Variants in SUFU observed in about 807,000 individuals in gnomAD.
SUFU encodes suppressor of fused homolog.
In SUFU, 7 loss-of-function variants were observed where a neutral mutation model predicts 58.9. That is an observed-to-expected ratio of 0.12 (90% CI 0.07 to 0.22). The LOEUF (loss-of-function observed/expected upper bound fraction) is 0.22. Among genes scored for constraint, SUFU ranks in the 10% least tolerant of loss-of-function variants. SUFU has a pLI of 1.00. For missense variants in SUFU, 451 were observed against 641.3 expected (o/e 0.70, Z 3.20); for synonymous variants, 232 against 254.8 (o/e 0.91, Z 0.85).
chr10:102,585,585 C>G (rs533816438), intron 3 of SUFU, among the ~76,000 whole-genome samples: 14 of 152,318 alleles, frequency 9.2e-5, no homozygotes, highest in African/African-American at 3.4e-4. Context: ...AAGCTCACTG[C>G]AGCCTCCACA....
At chr10:102,503,277 T>G (rs2062273993), upstream of SUFU, among the ~76,000 whole-genome samples, 1 of 152,234 alleles carries the variant, frequency 6.6e-6, no homozygotes, top group African/African-American at 2.4e-5. Context: ...ACCTGTACAT[T>G]GTCGTTGCCT....
At chr10:102,615,158 C>T (rs1187901415) in intron 8 of SUFU, 110 bp from the exon 9 acceptor site, 27 of 1,485,108 alleles carry the variant, frequency 1.8e-5, no homozygotes, top group Non-Finnish European at 2.4e-5. Flanking sequence ...TCATTATCAT[C>T]AGTCACCATT....
rs2063724033 is a variant in SUFU at position 102,619,734 on chromosome 10, T to C, written c.1296+2306T>C. Among the ~76,000 whole-genome samples, 1 of 152,178 alleles carries C rather than the reference T, an allele frequency of 6.6e-6. No individual in the cohort carries two copies. Among genetic ancestry groups the C allele is most frequent in the Non-Finnish European group, 1.5e-5 (1 of 68,018 alleles). Reference sequence around the variant, plus strand: ...CCTCTGACTGCCAGCCAGCCGCCCCTGTTAGGGTCCTGCCACTGTGGTCAC... The same window carrying C: ...CCTCTGACTGCCAGCCAGCCGCCCCCGTTAGGGTCCTGCCACTGTGGTCAC... On this transcript the variant is annotated intron_variant, in intron 10 of 11. Transcript: ENST00000369902. The surrounding 1 kb of genome is among the most constrained non-coding windows in gnomAD (Gnocchi z 4.2).
chr10:102,522,785 C>T lies in SUFU; in HGVS notation c.317+13482C>T, dbSNP rs184495347. Among the ~76,000 whole-genome samples the T allele has an allele frequency of 3.2e-4, 48 of 152,270 alleles. 1 individual carries two copies. Among genetic ancestry groups the T allele is most frequent in the Admixed American group, 2.7e-3 (42 of 15,290 alleles). On this transcript the variant is annotated intron_variant, in intron 2 of 11. Coordinates refer to ENST00000369902, the MANE Select transcript of SUFU (RefSeq NM_016169.4). ...GTCCTCTCTTCTTTGGAAGGCCAGA[C>T]GTTAATCTGCTCCGTAGATTGTCAT... is the stretch of plus-strand genomic sequence containing the variant.
chr10:102,563,125 G>A (rs1036946663), intron 3 of SUFU, among the ~76,000 whole-genome samples: 31 of 152,036 alleles, frequency 2.0e-4, no homozygotes, highest in African/African-American at 6.0e-4. Context: ...CCTCTCAGCC[G>A]CCAAGGGTCC....
chr10:102,626,349 A>G (rs1031591323), intron 10 of SUFU, among the ~76,000 whole-genome samples: 5 of 152,182 alleles, frequency 3.3e-5, no homozygotes, highest in Non-Finnish European at 7.3e-5. Context: ...GGACGTTGGT[A>G]TTGGCTGTGA....
At chr10:102,622,356 T>A (rs2063746544) in intron 10 of SUFU, among the ~76,000 whole-genome samples, 1 of 151,380 alleles carries the variant, frequency 6.6e-6, no homozygotes, top group Non-Finnish European at 1.5e-5. Flanking sequence ...CTGTAATCAG[T>A]CCCAGCACTT....
chr10:102,518,693 T>G (rs1050871253), intron 2 of SUFU, among the ~76,000 whole-genome samples: 1 of 152,052 alleles, frequency 6.6e-6, no homozygotes, highest in Admixed American at 6.5e-5. Context: ...ACTGCAGGCA[T>G]GCACCATCAT....
chr10:102,513,892 T>C (rs1008291882), intron 2 of SUFU, among the ~76,000 whole-genome samples: 2 of 152,186 alleles, frequency 1.3e-5, no homozygotes, highest in Non-Finnish European at 2.9e-5. Flanking sequence ...AATTTATTTT[T>C]ATTTTTATTT....
rs2062403979 is a variant in SUFU, at chr10:102,511,818, A to G, written c.317+2515A>G. Reference sequence around the variant, plus strand: ...CTCAACCTCCTGGGCTCAAGCAATTATCCCACCTTAACCTGCCAAGGAGCT... The same window carrying G: ...CTCAACCTCCTGGGCTCAAGCAATTGTCCCACCTTAACCTGCCAAGGAGCT... On this transcript the variant is annotated intron_variant, in intron 2 of 11. Coordinates refer to ENST00000369902, the MANE Select transcript of SUFU (RefSeq NM_016169.4). 4.6e-5 allele frequency among the ~76,000 whole-genome samples: 7 copies of G among 152,196 alleles called. No homozygotes were observed. In the South Asian group the frequency reaches 1.5e-3, roughly 32 times the overall value.
At position 102,619,473 on chromosome 10, in the gene SUFU, T is replaced by C; in HGVS notation, c.1296+2045T>C. On this transcript the variant is annotated intron_variant, in intron 10 of 11. Transcript: ENST00000369902. This position sits in a 1 kb window ranked among gnomAD's most constrained non-coding sequence, Gnocchi z 4.2. ...GCTGGGAGCTACTCAATCAAAGGCC[T>C]GTGTTATGGGCTCATTAGTGTGGTC... 1.6e-6 allele frequency: 2 copies of C among 1,251,958 alleles called. No homozygotes were observed. Among genetic ancestry groups the C allele is most frequent in the South Asian group, 3.9e-5 (2 of 51,906 alleles). 77.6% of individuals were successfully genotyped at this position (1,251,958 alleles called of 1,614,324 possible).
chr10:102,554,120 A>G (rs902380730), intron 3 of SUFU, among the ~76,000 whole-genome samples: 2 of 151,748 alleles, frequency 1.3e-5, no homozygotes, highest in Admixed American at 6.6e-5. Flanking sequence ...AAACAAAAAC[A>G]GGTCAGGCGC....
At position 102,617,275 on chromosome 10, in the gene SUFU, T is replaced by C. The variant is rs998644443; in HGVS notation, c.1158-15T>C. 6.2e-7 allele frequency: 1 copy of C among 1,614,188 alleles called. No homozygotes were observed. The highest frequency in any genetic ancestry group is 8.5e-7 in the Non-Finnish European group (1 of 1,180,028). ...CAAGCCCAGCTCCTCACTGTCTCCA[T>C]GTTCCCATCTCCAGGGGCAGGCTCC... On this transcript the variant is annotated splice_polypyrimidine_tract_variant and intron_variant, in intron 9 of 11. Transcript: ENST00000369902. The surrounding 1 kb of genome is among the most constrained non-coding windows in gnomAD (Gnocchi z 4.4).
chr10:102,571,249 G>A (rs530157336), intron 3 of SUFU, among the ~76,000 whole-genome samples: 4 of 152,286 alleles, frequency 2.6e-5, no homozygotes, highest in South Asian at 4.1e-4. Flanking sequence ...AATAAGTAAC[G>A]GTTTCACCTT....
In SUFU at chr10:102,597,303, A is replaced by G; in HGVS notation, c.910+10A>G. 6.2e-7 allele frequency: 1 copy of G among 1,610,760 alleles called. No individual in the cohort carries two copies. The highest frequency in any genetic ancestry group is 8.5e-7 in the Non-Finnish European group (1 of 1,178,488). ...CGACTCTCTGGCAAAGGTGGGAGCC[A>G]TCACTCAGCATTCCACCAGCCTTCC... On this transcript the variant is annotated intron_variant, in intron 7 of 11. Transcript: ENST00000369902.
At chr10:102,520,371 C>G (rs1589986634) in intron 2 of SUFU, among the ~76,000 whole-genome samples, 1 of 151,846 alleles carries the variant, frequency 6.6e-6, no homozygotes, top group South Asian at 2.1e-4. Context: ...GCACCCGCCA[C>G]CACGCCCGGC....
intron 3 of SUFU, among the ~76,000 whole-genome samples, chr10:102,562,691 G>C (rs1428193711): frequency 6.6e-6 from 1 of 152,190 alleles, no homozygotes; most frequent in Non-Finnish European, 1.5e-5. Flanking sequence ...AGGAGTTCAA[G>C]ACCAGGCTGG....
intron 8 of SUFU, among the ~76,000 whole-genome samples, chr10:102,602,369 C>A (rs1442001439): frequency 6.6e-6 from 1 of 152,182 alleles, no homozygotes; most frequent in African/African-American, 2.4e-5. Flanking sequence ...AAATAATGAC[C>A]TTTACTGGTA....
At chr10:102,519,925 C>G (rs1589985959) in intron 2 of SUFU, among the ~76,000 whole-genome samples, 1 of 150,652 alleles carries the variant, frequency 6.6e-6, no homozygotes, top group Non-Finnish European at 1.5e-5. Flanking sequence ...ATGCCCACCA[C>G]CACGCCCAGC....
Sources: allele counts gnomAD v4.1 joint callset (sites outside exome capture counted in the v4.1 genomes callset), GRCh38; gene constraint gnomAD v4.1.1; non-coding constraint Gnocchi (gnomAD v3.1); transcripts MANE v1.5; gene names NCBI Gene and HGNC (gene_info 2026-07-23, HGNC 2026-07-21).